GPHN: variants seen among roughly 807,000 people sequenced by gnomAD.
GPHN encodes gephyrin.
Under a neutral mutation model 95.5 loss-of-function variants are expected in GPHN, and 17 were observed. The observed-to-expected ratio is 0.18, with a 90% CI of 0.12 to 0.27. GPHN has a LOEUF of 0.27. Among genes scored for constraint, GPHN ranks in the 10% least tolerant of loss-of-function variants. The pLI, the probability that GPHN is intolerant of heterozygous loss-of-function variation, is 1.00. For missense variants in GPHN, 660 were observed against 978.1 expected (o/e 0.67, Z 4.34); for synonymous variants, 320 against 322.5 (o/e 0.99, Z 0.08).
At chr14:66,805,801 C>G (rs1333481058) in intron 3 of GPHN, among the ~76,000 whole-genome samples, 1 of 152,184 alleles carries the variant, frequency 6.6e-6, no homozygotes, top group Non-Finnish European at 1.5e-5. Flanking sequence ...GGTACAGCCT[C>G]CCTCCCAGCT....
intron 8 of GPHN, among the ~76,000 whole-genome samples, chr14:66,950,280 A>G (rs2068022615): frequency 6.6e-6 from 1 of 152,078 alleles, no homozygotes; most frequent in Admixed American, 6.5e-5. Context: ...GTTCTGATTT[A>G]ACTCACTACA....
the GPHN span, among the ~76,000 whole-genome samples, chr14:67,547,875 G>A: frequency 2.0e-5 from 3 of 152,306 alleles, no homozygotes; most frequent in Middle Eastern, 3.4e-3. Flanking sequence ...CTCACCTAAG[G>A]GAGAGAGAGC....
At chr14:67,727,462 G>C in the GPHN span, 3 of 393,514 alleles carry the variant, frequency 7.6e-6, no homozygotes, top group Non-Finnish European at 4.7e-6. Context: ...TTTTGCAACA[G>C]ACAGAGGCTT....
At chr14:66,555,857 T>C (rs1044157034) in intron 1 of GPHN, among the ~76,000 whole-genome samples, 2 of 152,178 alleles carry the variant, frequency 1.3e-5, no homozygotes, top group African/African-American at 4.8e-5. Context: ...TTATATTGTT[T>C]ATTATTTATG....
intron 8 of GPHN, among the ~76,000 whole-genome samples, chr14:66,938,442 C>T (rs779855188): frequency 8.6e-5 from 13 of 152,030 alleles, no homozygotes; most frequent in Non-Finnish European, 1.9e-4. Flanking sequence ...AAATTTCCTT[C>T]TGTATTCCTT....
At chr14:66,969,101 A>G (rs1025960539) in intron 9 of GPHN, 1 of 152,132 alleles carries the variant, frequency 6.6e-6, no homozygotes, top group African/African-American at 2.4e-5. Context: ...TTCATAGATT[A>G]TATTTTCTCC....
chr14:66,658,796 T>A (rs1202439593), intron 1 of GPHN, among the ~76,000 whole-genome samples: 2 of 151,958 alleles, frequency 1.3e-5, no homozygotes, highest in Non-Finnish European at 2.9e-5. Flanking sequence ...TGTATTGTGG[T>A]GGCCTAGTAC....
chr14:66,545,767 A>C (rs1261793671), intron 1 of GPHN, among the ~76,000 whole-genome samples: 14 of 62,934 alleles, frequency 2.2e-4, no homozygotes, highest in East Asian at 1.1e-3. Flanking sequence ...CGGACGGGGC[A>C]GCTGGCCGGG....
chr14:67,460,880 G>A, the GPHN span, among the ~76,000 whole-genome samples: 4 of 152,136 alleles, frequency 2.6e-5, no homozygotes, highest in African/African-American at 4.8e-5. Flanking sequence ...CCATGGGTTC[G>A]GGGTAAGGGA....
At chr14:67,525,126 A>G in the GPHN span, among the ~76,000 whole-genome samples, 1 of 152,226 alleles carries the variant, frequency 6.6e-6, no homozygotes, top group Non-Finnish European at 1.5e-5. Flanking sequence ...CATAATATAG[A>G]AAAGAACAAA....
At chr14:66,892,810 C>A (rs2064594523) in intron 5 of GPHN, among the ~76,000 whole-genome samples, 1 of 152,066 alleles carries the variant, frequency 6.6e-6, no homozygotes, top group Non-Finnish European at 1.5e-5. Context: ...TGGAGATGGA[C>A]AGTGGTGATG....
rs1291574570 is a variant in GPHN at position 66,537,204 on chromosome 14, G to C, written c.64+28613G>C. Among the ~76,000 whole-genome samples the C allele has an allele frequency of 3.9e-5, 6 of 151,964 alleles. 1 individual carries two copies. In the East Asian group the frequency reaches 1.2e-3, roughly 29 times the overall value. On this transcript the variant is annotated intron_variant, in intron 1 of 22. Coordinates refer to ENST00000478722, the MANE Select transcript of GPHN (RefSeq NM_020806.5). Reference sequence around the variant, plus strand: ...TTTTATCTAGTTTGACAATCTTTGTGCTTTAGTTGTAATAGGTATTCTATT... The same window carrying C: ...TTTTATCTAGTTTGACAATCTTTGTCCTTTAGTTGTAATAGGTATTCTATT...
intron 17 of GPHN, among the ~76,000 whole-genome samples, chr14:67,126,361 A>G (rs1042759308): frequency 2.3e-4 from 35 of 152,220 alleles, no homozygotes; most frequent in Non-Finnish European, 1.9e-4. Flanking sequence ...AAGATATTGT[A>G]TACCTGTGTA....
intron 8 of GPHN, among the ~76,000 whole-genome samples, chr14:66,954,086 T>C (rs1354493087): frequency 1.3e-5 from 2 of 151,890 alleles, no homozygotes; most frequent in Non-Finnish European, 2.9e-5. Context: ...CCTCTAACTT[T>C]CTTTGTCTTT....
intron 3 of GPHN, among the ~76,000 whole-genome samples, chr14:66,788,619 A>G (rs1309544310): frequency 3.3e-5 from 5 of 152,264 alleles, no homozygotes; most frequent in African/African-American, 7.2e-5. Flanking sequence ...TTGATGTGCT[A>G]TTAATGTTAA....
chr14:67,567,485 G>C, the GPHN span, among the ~76,000 whole-genome samples: 1 of 151,918 alleles, frequency 6.6e-6, no homozygotes, highest in Admixed American at 6.6e-5. Context: ...TGACCACTCT[G>C]GGCAGAAATA....
chr14:67,578,453 A>T, the GPHN span: 1 of 1,037,888 alleles, frequency 9.6e-7, no homozygotes, highest in Non-Finnish European at 1.5e-6. The surrounding 1 kb of genome is among the most constrained non-coding windows in gnomAD (Gnocchi z 5.0). Flanking sequence ...AAGAGTGCTG[A>T]AGGCTCTGTA....
At chr14:67,197,126 G>A in the GPHN span, 1 of 152,190 alleles carries the variant, frequency 6.6e-6, no homozygotes, top group African/African-American at 2.4e-5. Flanking sequence ...ACAAGATCTT[G>A]CTATGTTGCC....
intron 4 of GPHN, among the ~76,000 whole-genome samples, chr14:66,857,401 T>C (rs1021494934): frequency 6.6e-6 from 1 of 152,158 alleles, no homozygotes; most frequent in African/African-American, 2.4e-5. Flanking sequence ...GAATGAAATG[T>C]CAGCACTAAA....
Sources: gnomAD v4.1 joint callset for allele counts (sites outside exome capture counted in the v4.1 genomes callset) on GRCh38, gnomAD v4.1.1 for gene constraint, Gnocchi (gnomAD v3.1) non-coding constraint, MANE v1.5 for transcripts, NCBI Gene and HGNC (gene_info 2026-07-23, HGNC 2026-07-21) for gene names.